MROH7: variants seen among roughly 807,000 people sequenced by gnomAD.
MROH7 encodes the protein maestro heat like repeat family member 7.
Under a neutral mutation model 129.2 loss-of-function variants are expected in MROH7, and 113 were observed. The ratio of observed to expected loss-of-function variants is 0.87; its 90% CI spans 0.75 to 1.02. MROH7 has a LOEUF of 1.02. Ranked by LOEUF, MROH7 falls within the 50% of genes least tolerant of loss-of-function variation. MROH7 has a pLI of 0.00. For synonymous variants in MROH7, 655 were observed against 667.9 expected, an observed-to-expected ratio of 0.98 and a Z score of 0.30; for missense variants, 1,601 against 1,671.3, an observed-to-expected ratio of 0.96 and a Z score of 0.73.
rs202104458 is a variant in MROH7 at position 54,679,399 on chromosome 1, G to C, written c.2186G>C (p.Ser729Thr). ...CAGCTGGCCTCGGAGGTCATGCTCAGCTCGGTGCTGGAGTGGTACCGCCAC... is the reference window on the plus strand; with the variant it reads ...CAGCTGGCCTCGGAGGTCATGCTCACCTCGGTGCTGGAGTGGTACCGCCAC... The part of the protein sequence containing the change: ...MMQLASEVML[S>T]SVLEWYRHRA... Residue 729 changes from serine (S) to threonine (T), a missense_variant, in exon 12 of 24, where the codon AGC (serine) becomes ACC (threonine). Physicochemically the swap from Ser to Thr is moderately conservative, Grantham distance 58 (BLOSUM62 1). Coordinates refer to ENST00000421030, the MANE Select transcript of MROH7 (RefSeq NM_001039464.4). The C allele has an allele frequency of 6.9e-5, 112 of 1,613,952 alleles. No homozygotes were observed. In the African/African-American group the frequency reaches 1.4e-3, roughly 21 times the overall value.
At chr1:54,673,634 C>T (rs1488112121) in intron 8 of MROH7, 67 bp from the exon 9 acceptor site, 1 of 1,216,934 alleles carries the variant, frequency 8.2e-7, no homozygotes, top group Non-Finnish European at 1.2e-6. Context: ...TGAAGGCTGG[C>T]CTGTCCACCC....
intron 16 of MROH7, 52 bp from the exon 17 acceptor site, chr1:54,695,311 ATCCCCCCCACAGG>A (rs1645301872): frequency 1.2e-6 from 1 of 843,676 alleles, no homozygotes; most frequent in African/African-American, 1.7e-5. Context: ...TCACAAGCAA[ATCCCCCCCACAGG>A]TCCCCCTGGG....
Position 54,679,256 on chromosome 1 carries a change from G to A in MROH7, c.2050-7G>A. On this transcript the variant is annotated splice_region_variant and splice_polypyrimidine_tract_variant and intron_variant, in intron 11 of 23. Transcript: ENST00000421030. ...AGTGTGTCATGATCTCAGCACCTTT[G>A]TTTCAGGAATTTGGAGACTTCCTGG... 6.2e-7 allele frequency: 1 copy of A among 1,614,086 alleles called. No individual in the cohort carries two copies. The highest frequency in any genetic ancestry group is 8.5e-7 in the Non-Finnish European group (1 of 1,179,998).
chr1:54,670,617 C>A, intron 6 of MROH7, 41 bp downstream of exon 6: 1 of 1,574,092 alleles, frequency 6.4e-7, no homozygotes, highest in Non-Finnish European at 8.7e-7. Context: ...CCCCTCTCCT[C>A]TCTTCCTCCA....
intron 12 of MROH7, among the ~76,000 whole-genome samples, 161 bp from the exon 13 acceptor site, chr1:54,679,730 G>C (rs1232673843): frequency 6.6e-6 from 1 of 152,106 alleles, no homozygotes; most frequent in Non-Finnish European, 1.5e-5. Flanking sequence ...TCACTCCCAG[G>C]GAGGGGCAGG....
Position 54,695,303 on chromosome 1 carries a change from A to G in MROH7, c.2850-73A>G, listed in dbSNP as rs1037242689. On this transcript the variant is annotated intron_variant, in intron 16 of 23. Coordinates refer to ENST00000421030, the MANE Select transcript of MROH7 (RefSeq NM_001039464.4). ...TGGCTTACCCAGGATTTCCAGTGTCACAAGCAAATCCCCCCCACAGGTCCC... is the reference window on the plus strand; with the variant it reads ...TGGCTTACCCAGGATTTCCAGTGTCGCAAGCAAATCCCCCCCACAGGTCCC... 2.9e-5 allele frequency: 23 copies of G among 782,946 alleles called. No homozygotes were observed. The African/African-American group carries it at 3.1e-4, about 11-fold the overall frequency. The allele number at this position is 782,946 out of a possible 1,614,324, so 48.5% of individuals were successfully genotyped here. A position where few individuals can be genotyped will look rare whatever the true frequency, so the allele number is the denominator to read the frequency against.
intron 15 of MROH7, among the ~76,000 whole-genome samples, chr1:54,688,767 G>A (rs1469836521): frequency 6.6e-6 from 1 of 152,198 alleles, no homozygotes; most frequent in Non-Finnish European, 1.5e-5. Context: ...GCATTGCCCA[G>A]AAGGCTGACG....
intron 15 of MROH7, among the ~76,000 whole-genome samples, chr1:54,689,911 G>T (rs1309022176): frequency 6.6e-6 from 1 of 152,148 alleles, no homozygotes; most frequent in Non-Finnish European, 1.5e-5. Flanking sequence ...CAGGAGGGTC[G>T]TGTGAGTCCA....
chr1:54,695,295 C>A, intron 16 of MROH7, 81 bp from the exon 17 acceptor site: 1 of 727,896 alleles, frequency 1.4e-6, no homozygotes, highest in Non-Finnish European at 2.4e-6. Flanking sequence ...CCCAGGATTT[C>A]CAGTGTCACA....
chr1:54,694,096 G>C (rs1057162002), intron 16 of MROH7, among the ~76,000 whole-genome samples: 3 of 152,182 alleles, frequency 2.0e-5, no homozygotes, highest in African/African-American at 7.2e-5. Context: ...TGGCCAGGCT[G>C]GTCTCAAACT....
chr1:54,671,961 G>A (rs1324236616), intron 7 of MROH7, among the ~76,000 whole-genome samples: 1 of 152,100 alleles, frequency 6.6e-6, no homozygotes, highest in Non-Finnish European at 1.5e-5. Context: ...GGGGTCAGGG[G>A]TTGTGATTGT....
intron 2 of MROH7, among the ~76,000 whole-genome samples, chr1:54,652,418 A>G (rs563306915): frequency 3.1e-4 from 47 of 151,984 alleles, no homozygotes; most frequent in South Asian, 2.3e-3. Context: ...TAAGCTTCCA[A>G]CTGTGTAACT....
At chr1:54,704,276 C>A (rs997513340) in intron 21 of MROH7, among the ~76,000 whole-genome samples, 1 of 152,056 alleles carries the variant, frequency 6.6e-6, no homozygotes, top group African/African-American at 2.4e-5. Flanking sequence ...GGCCAGTGAC[C>A]AGGCAGATAA....
chr1:54,669,786 G>A (rs1644866246), intron 5 of MROH7, among the ~76,000 whole-genome samples: 1 of 152,076 alleles, frequency 6.6e-6, no homozygotes, highest in African/African-American at 2.4e-5. Context: ...GATCCCTTGA[G>A]GTCAGGAGTT....
chr1:54,696,640 A>C (rs1020498984), intron 17 of MROH7, among the ~76,000 whole-genome samples: 1 of 135,758 alleles, frequency 7.4e-6, no homozygotes, highest in African/African-American at 2.8e-5. Context: ...ATGCTGTTGC[A>C]TGCATCACAA....
chr1:54,656,705 C>A (rs972342119), intron 3 of MROH7, among the ~76,000 whole-genome samples: 2 of 151,668 alleles, frequency 1.3e-5, no homozygotes, highest in Non-Finnish European at 2.9e-5. Context: ...GCCTGTAATC[C>A]CAGCTACTTA....
At chr1:54,692,819 T>C (rs149747557) in intron 16 of MROH7, among the ~76,000 whole-genome samples, 1 of 152,322 alleles carries the variant, frequency 6.6e-6, no homozygotes, top group East Asian at 1.9e-4. Context: ...CCTTAGTGCA[T>C]TATGAATTTA....
chr1:54,699,776 G>T, intron 17 of MROH7: 2 of 336,952 alleles, frequency 5.9e-6, no homozygotes, highest in Non-Finnish European at 1.1e-5. Context: ...GTTTCCAGCT[G>T]TCGCCTCAGG....
chr1:54,675,804 C>A (rs1446434473), intron 10 of MROH7, among the ~76,000 whole-genome samples: 6 of 150,372 alleles, frequency 4.0e-5, no homozygotes, highest in African/African-American at 1.5e-4. Flanking sequence ...GTTTCACCAT[C>A]TCTACCAAAA....
Sources: gnomAD v4.1 joint callset for allele counts (sites outside exome capture counted in the v4.1 genomes callset) on GRCh38, gnomAD v4.1.1 for gene constraint, MANE v1.5 for transcripts, NCBI Gene and HGNC (gene_info 2026-07-23, HGNC 2026-07-21) for gene names.